The following ATXN1 variants were observed in gnomAD, a reference collection of about 807,000 sequenced individuals.
ATXN1 encodes ataxin-1.
A neutral mutation model predicts 56.4 loss-of-function variants in ATXN1; 8 were observed. That is an observed-to-expected ratio of 0.14 (90% CI 0.08 to 0.26). ATXN1 has a LOEUF of 0.26. Among genes scored for constraint, ATXN1 ranks in the 10% least tolerant of loss-of-function variants. The pLI is 1.00. For missense variants in ATXN1, 987 were observed against 1,106.5 expected (o/e 0.89, Z 1.53); for synonymous variants, 514 against 494.6 (o/e 1.04, Z -0.52).
At chr6:16,365,937 C>T (rs890670613) in intron 6 of ATXN1, among the ~76,000 whole-genome samples, 3 of 152,036 alleles carry the variant, frequency 2.0e-5, no homozygotes, top group Non-Finnish European at 2.9e-5. Flanking sequence ...TCTATATAGC[C>T]GTCTATCTAT....
chr6:16,470,610 G>C (rs139669380), intron 6 of ATXN1, among the ~76,000 whole-genome samples: 2 of 152,288 alleles, frequency 1.3e-5, no homozygotes, highest in African/African-American at 4.8e-5. Context: ...ACAGAAGTCA[G>C]AATGGGTAGT....
intron 2 of ATXN1, among the ~76,000 whole-genome samples, chr6:16,662,515 G>A (rs887891005): frequency 1.3e-5 from 2 of 152,042 alleles, no homozygotes; most frequent in African/African-American, 4.8e-5. Context: ...TGTATTTTTA[G>A]TAGAGACAGG....
intron 6 of ATXN1, among the ~76,000 whole-genome samples, chr6:16,397,218 C>T (rs1310113789): frequency 2.0e-5 from 3 of 152,240 alleles, no homozygotes; most frequent in African/African-American, 2.4e-5. Flanking sequence ...ACAAATCAAA[C>T]GTCCTGTTAT....
chr6:16,386,598 A>G (rs1192373417), intron 6 of ATXN1, among the ~76,000 whole-genome samples: 1 of 152,156 alleles, frequency 6.6e-6, no homozygotes, highest in Non-Finnish European at 1.5e-5. Flanking sequence ...GAGCTCCTTG[A>G]GTTATTCTGA....
chr6:16,681,826 T>C (rs2181542), intron 2 of ATXN1, among the ~76,000 whole-genome samples: 124,411 of 152,220 alleles, frequency 0.82, 51,044 homozygotes, highest in African/African-American at 0.85. Flanking sequence ...AAATGTGCAA[T>C]GGAGACTATT....
intron 6 of ATXN1, among the ~76,000 whole-genome samples, chr6:16,415,151 T>C (rs770075268): frequency 7.9e-5 from 12 of 152,216 alleles, no homozygotes; most frequent in Admixed American, 1.3e-4. Flanking sequence ...TATTTTAAAA[T>C]ATATGGAATA....
At chr6:16,511,876 C>T (rs965956820) in intron 5 of ATXN1, among the ~76,000 whole-genome samples, 1 of 152,220 alleles carries the variant, frequency 6.6e-6, no homozygotes, top group African/African-American at 2.4e-5. Context: ...TGGTCAGTCC[C>T]AGGCCACCGC....
intron 4 of ATXN1, among the ~76,000 whole-genome samples, chr6:16,532,774 G>A (rs9370899): frequency 0.02 from 3,114 of 152,248 alleles, 65 homozygotes; most frequent in East Asian, 0.078. Context: ...GGAACTCTGT[G>A]TACATTACTG....
chr6:16,405,825 T>A (rs1456582060), intron 6 of ATXN1, among the ~76,000 whole-genome samples: 1 of 152,136 alleles, frequency 6.6e-6, no homozygotes, highest in Non-Finnish European at 1.5e-5. Context: ...AAATCAGTGC[T>A]CAGCTGAAGA....
chr6:16,662,825 C>T (rs1758346554), intron 2 of ATXN1, among the ~76,000 whole-genome samples: 1 of 152,200 alleles, frequency 6.6e-6, no homozygotes, highest in Non-Finnish European at 1.5e-5. Context: ...TAGAGAATTT[C>T]CAGCACCATT....
chr6:16,526,304 T>A (rs143667847), intron 4 of ATXN1, among the ~76,000 whole-genome samples: 35 of 152,220 alleles, frequency 2.3e-4, no homozygotes, highest in African/African-American at 7.7e-4. Flanking sequence ...CTACATATTG[T>A]GGTAGCATGT....
chr6:16,584,137 G>A (rs1762575480), intron 4 of ATXN1, among the ~76,000 whole-genome samples: 2 of 150,590 alleles, frequency 1.3e-5, no homozygotes, highest in Non-Finnish European at 1.5e-5. Flanking sequence ...TTGAGCCCAG[G>A]CAGCCTGAAG....
intron 6 of ATXN1, among the ~76,000 whole-genome samples, chr6:16,451,037 A>T (rs1759742777): frequency 6.6e-6 from 1 of 152,238 alleles, no homozygotes; most frequent in South Asian, 2.1e-4. Flanking sequence ...ACTAATCATG[A>T]ATCATTCGGT....
At chr6:16,678,171 T>C (rs926698978) in intron 2 of ATXN1, among the ~76,000 whole-genome samples, 3 of 152,236 alleles carry the variant, frequency 2.0e-5, no homozygotes, top group African/African-American at 7.2e-5. Context: ...GAAATACAAA[T>C]GAAATATGTC....
At chr6:16,603,475 T>C (rs556400622) in intron 3 of ATXN1, among the ~76,000 whole-genome samples, 3 of 152,056 alleles carry the variant, frequency 2.0e-5, no homozygotes, top group African/African-American at 7.2e-5. Flanking sequence ...CAGCCTTGAG[T>C]GCTTAGCGGC....
intron 6 of ATXN1, among the ~76,000 whole-genome samples, chr6:16,433,247 T>G (rs1181253885): frequency 6.6e-6 from 1 of 152,180 alleles, no homozygotes; most frequent in Non-Finnish European, 1.5e-5. Flanking sequence ...TCTGAGTACA[T>G]TATCTACTGC....
chr6:16,727,776 C>A (rs1236462937), intron 2 of ATXN1, among the ~76,000 whole-genome samples: 1 of 152,140 alleles, frequency 6.6e-6, no homozygotes, highest in East Asian at 1.9e-4. Flanking sequence ...AATGTGTCCA[C>A]AAATTCGGAC....
intron 2 of ATXN1, among the ~76,000 whole-genome samples, chr6:16,702,861 G>A (rs1033977036): frequency 6.6e-6 from 1 of 152,190 alleles, no homozygotes; most frequent in African/African-American, 2.4e-5. Context: ...GGAGACATAG[G>A]AACATTTTTA....
intron 4 of ATXN1, among the ~76,000 whole-genome samples, chr6:16,550,751 T>C (rs997511036): frequency 5.3e-5 from 8 of 152,358 alleles, no homozygotes; most frequent in Admixed American, 3.9e-4. Flanking sequence ...ACATATAGTA[T>C]GACACAGTCT....
Sources: allele counts gnomAD v4.1 joint callset (sites outside exome capture counted in the v4.1 genomes callset), GRCh38; gene constraint gnomAD v4.1.1; transcripts MANE v1.5; gene names NCBI Gene and HGNC (gene_info 2026-07-23, HGNC 2026-07-21).